The following MIA2 variants were observed in gnomAD, a reference collection of about 807,000 sequenced individuals.
The protein encoded by MIA2 is melanoma inhibitory activity protein 2.
In MIA2, 127 loss-of-function variants were observed where a neutral mutation model predicts 167.8. The observed-to-expected ratio is 0.76, with a 90% confidence interval of 0.66 to 0.88. The LOEUF (loss-of-function observed/expected upper bound fraction) is 0.88, where lower values mean the gene tolerates loss of function less well. MIA2 is among the 40% of genes least tolerant of loss of function. MIA2 has a pLI of 0.00. For missense variants in MIA2, 1,690 were observed against 1,624.7 expected (o/e 1.04, Z -0.69); for synonymous variants, 552 against 541.9 (o/e 1.02, Z -0.26).
Position 39,253,059 on chromosome 14 carries a change from A to G in MIA2, c.1787-12A>G, listed in dbSNP as rs781673920. The G allele has an allele frequency of 1.3e-6, 2 of 1,576,810 alleles. No individual in the cohort carries two copies. Among genetic ancestry groups the G allele is most frequent in the Non-Finnish European group, 1.7e-6 (2 of 1,160,546 alleles). On this transcript the variant is annotated splice_polypyrimidine_tract_variant and intron_variant, in intron 5 of 28. Coordinates refer to ENST00000640607, the MANE Select transcript of MIA2 (RefSeq NM_001329214.4). ...ATATCATGCTAACATATTTTTATTT[A>G]TAAATCAACAGAAGATGCTTCTGAG...
intron 9 of MIA2, among the ~76,000 whole-genome samples, chr14:39,288,612 C>T (rs1243361492): frequency 1.3e-5 from 2 of 150,444 alleles, no homozygotes; most frequent in Non-Finnish European, 3.0e-5. Flanking sequence ...GTATCTAGGA[C>T]TACAGGTGCC....
intron 25 of MIA2, among the ~76,000 whole-genome samples, chr14:39,333,475 C>G (rs544240686): frequency 0.016 from 2,476 of 152,292 alleles, 45 homozygotes; most frequent in African/African-American, 0.048. Context: ...ATATTGGGCT[C>G]TACCTTTGCG....
At chr14:39,292,066 A>G (rs898346460) in intron 10 of MIA2, among the ~76,000 whole-genome samples, 1 of 152,178 alleles carries the variant, frequency 6.6e-6, no homozygotes, top group African/African-American at 2.4e-5. Flanking sequence ...GAAGTTATAA[A>G]TTGGATTCCA....
chr14:39,354,070 G>C (rs1352758951), downstream of MIA2, among the ~76,000 whole-genome samples: 1 of 152,288 alleles, frequency 6.6e-6, no homozygotes, highest in South Asian at 2.1e-4. Flanking sequence ...AATCCTTTGG[G>C]TATATACCCA....
intron 9 of MIA2, among the ~76,000 whole-genome samples, chr14:39,280,845 C>T (rs1237070735): frequency 7.0e-6 from 1 of 143,798 alleles, no homozygotes; most frequent in Non-Finnish European, 1.5e-5. Flanking sequence ...TGGTTTTTTT[C>T]TATTTGTCCT....
At chr14:39,259,698 G>GTTT (rs10556014) in intron 6 of MIA2, among the ~76,000 whole-genome samples, 3 of 115,374 alleles carry the variant, frequency 2.6e-5, no homozygotes, top group African/African-American at 6.9e-5. Context: ...GCCTGGCTAG[G>GTTT]TTTTTTTTTT....
chr14:39,288,471 ATATAT>A (rs1262539492), intron 9 of MIA2, among the ~76,000 whole-genome samples: 2 of 51,654 alleles, frequency 3.9e-5, no homozygotes, highest in African/African-American at 2.2e-4. Flanking sequence ...ATATATATAT[ATATAT>A]TTTTTTTTTT....
At chr14:39,365,684 TATC>T (rs1183252218) in intron 23 of MIA2, among the ~76,000 whole-genome samples, 1 of 102,802 alleles carries the variant, frequency 9.7e-6, no homozygotes, top group Non-Finnish European at 2.0e-5. Context: ...TCTATCTATC[TATC>T]TATCTATCTA....
chr14:39,266,151 T>C lies in MIA2; in HGVS notation c.1888-10783T>C, dbSNP rs527883328. ...ATTTTGTTCATCTATTGAGTTCTTT[T>C]GGGTGATTTGTTTAGGAGGAAGTAT... On this transcript the variant is annotated intron_variant, in intron 6 of 28. Transcript: ENST00000640607. The C allele has an allele frequency of 1.3e-5, 13 of 985,468 alleles. No homozygotes were observed. The African/African-American group carries it at 2.1e-4, about 16-fold the overall frequency. The allele number at this position is 985,468 out of a possible 1,614,324, so 61.0% of individuals were successfully genotyped here.
chr14:39,363,664 T>C (rs956761348), intron 23 of MIA2, among the ~76,000 whole-genome samples: 3 of 152,248 alleles, frequency 2.0e-5, no homozygotes, highest in African/African-American at 2.4e-5. Context: ...TCTAATAATA[T>C]TTGCTTCAGA....
At chr14:39,266,568 A>G (rs974843597) in intron 6 of MIA2, 2 of 985,534 alleles carry the variant, frequency 2.0e-6, no homozygotes, top group Non-Finnish European at 1.2e-6. Context: ...TGCGTGGGAC[A>G]GGTTAAACTC....
chr14:39,385,378 A>G, intron 23 of MIA2: 1 of 1,099,326 alleles, frequency 9.1e-7, no homozygotes, highest in Non-Finnish European at 1.4e-6. Context: ...TTCATAAACT[A>G]TAAGGTGGAG....
In MIA2 at chr14:39,382,834, G is replaced by A. The variant is rs181279474; in HGVS notation, c.2249-4051G>A. On this transcript the variant is annotated intron_variant, in intron 23 of 23. Transcript: ENST00000341502. ...AAGAGATGTCTAGTAACAAAAATGT[G>A]TTCTAGTTTATTATTTGAAATACTA... is the stretch of plus-strand genomic sequence containing the variant. 2.0e-4 allele frequency among the ~76,000 whole-genome samples: 31 copies of A among 151,536 alleles called. No individual in the cohort carries two copies. In the East Asian group the frequency reaches 5.2e-3, roughly 26 times the overall value.
chr14:39,265,004 A>G (rs567608837), intron 6 of MIA2, among the ~76,000 whole-genome samples: 5 of 152,150 alleles, frequency 3.3e-5, no homozygotes, highest in African/African-American at 9.7e-5. Flanking sequence ...TAAATGATAG[A>G]GATCATGTAC....
chr14:39,351,675 C>T (rs567447550), downstream of MIA2, among the ~76,000 whole-genome samples: 13 of 145,702 alleles, frequency 8.9e-5, no homozygotes, highest in Non-Finnish European at 1.7e-4. Context: ...TAGGAGTATG[C>T]AGCAAGAAGG....
At chr14:39,255,663 C>T (rs936770002) in intron 6 of MIA2, among the ~76,000 whole-genome samples, 1 of 152,148 alleles carries the variant, frequency 6.6e-6, no homozygotes, top group Non-Finnish European at 1.5e-5. Context: ...TCTTGCTGAC[C>T]TCTTAATCCC....
chr14:39,378,035 A>G (rs2075077624), intron 23 of MIA2, among the ~76,000 whole-genome samples: 1 of 152,246 alleles, frequency 6.6e-6, no homozygotes, highest in Admixed American at 6.5e-5. Context: ...ATGCACTTGT[A>G]TAAAAGAAAA....
chr14:39,338,918 T>C (rs2071127642), intron 25 of MIA2, among the ~76,000 whole-genome samples: 1 of 152,186 alleles, frequency 6.6e-6, no homozygotes. Context: ...GAAAGTGAGG[T>C]ATCATAATTT....
At chr14:39,377,987 A>C in intron 23 of MIA2, among the ~76,000 whole-genome samples, 1 of 152,214 alleles carries the variant, frequency 6.6e-6, no homozygotes, top group East Asian at 1.9e-4. Flanking sequence ...CCTGTAAAGA[A>C]CAAGGTATGA....
Sources: gnomAD v4.1 joint callset for allele counts (sites outside exome capture counted in the v4.1 genomes callset) on GRCh38, gnomAD v4.1.1 for gene constraint, MANE v1.5 for transcripts, NCBI Gene and HGNC (gene_info 2026-07-23, HGNC 2026-07-21) for gene names.